The following ARHGAP42 variants were observed in gnomAD, a reference collection of about 807,000 sequenced individuals.
The protein encoded by ARHGAP42 is Rho GTPase activating protein 42.
In ARHGAP42, 63 loss-of-function variants were observed where a neutral mutation model predicts 125.0. That is an observed-to-expected ratio of 0.50 (90% CI 0.41 to 0.62). ARHGAP42 has a LOEUF of 0.62. Ranked by LOEUF, ARHGAP42 falls within the 20% of genes least tolerant of loss-of-function variation. ARHGAP42 has a pLI of 0.00. For synonymous variants in ARHGAP42, 339 were observed against 351.0 expected, an observed-to-expected ratio of 0.97 and a Z score of 0.38; for missense variants, 766 against 1,024.2, an observed-to-expected ratio of 0.75 and a Z score of 3.44.
At chr11:100,830,063 TAGTA>T (rs774794463) in intron 3 of ARHGAP42, among the ~76,000 whole-genome samples, 2 of 152,210 alleles carry the variant, frequency 1.3e-5, no homozygotes, top group Non-Finnish European at 2.9e-5. Context: ...AATAGGATGT[TAGTA>T]AGGGCTCAGA....
intron 3 of ARHGAP42, among the ~76,000 whole-genome samples, chr11:100,831,983 A>T (rs897670462): frequency 6.6e-6 from 1 of 152,176 alleles, no homozygotes; most frequent in African/African-American, 2.4e-5. Flanking sequence ...GTAAATAACG[A>T]ATTTTTGTGG....
At chr11:100,786,427 T>C (rs71476649) in intron 2 of ARHGAP42, among the ~76,000 whole-genome samples, 4,884 of 152,290 alleles carry the variant, frequency 0.032, 138 homozygotes, top group Middle Eastern at 0.058. Context: ...AAATTAAGTT[T>C]TGAAATTGTG....
chr11:100,777,888 A>G (rs1177009295), intron 2 of ARHGAP42, among the ~76,000 whole-genome samples: 3 of 152,232 alleles, frequency 2.0e-5, no homozygotes, highest in African/African-American at 7.2e-5. Flanking sequence ...TTGTGATACA[A>G]AAGGTAGAAC....
intron 3 of ARHGAP42, among the ~76,000 whole-genome samples, chr11:100,842,880 A>G (rs1864974221): frequency 6.6e-6 from 1 of 152,146 alleles, no homozygotes; most frequent in Non-Finnish European, 1.5e-5. Flanking sequence ...AAAGACCACA[A>G]ACAGACAATC....
At chr11:100,810,434 G>A (rs750424516) in intron 3 of ARHGAP42, among the ~76,000 whole-genome samples, 2 of 152,156 alleles carry the variant, frequency 1.3e-5, no homozygotes, top group Admixed American at 6.5e-5. Context: ...TTTGGAAAAT[G>A]TGGCCACCGT....
intron 5 of ARHGAP42, among the ~76,000 whole-genome samples, chr11:100,920,101 A>G (rs1187044816): frequency 3.3e-5 from 5 of 152,328 alleles, no homozygotes; most frequent in Admixed American, 2.0e-4. Flanking sequence ...TTGCACCTCT[A>G]TCTTTCATAA....
chr11:100,857,707 C>T (rs548399761), intron 3 of ARHGAP42, among the ~76,000 whole-genome samples: 10 of 152,084 alleles, frequency 6.6e-5, no homozygotes, highest in Non-Finnish European at 1.0e-4. Context: ...GAGGCCAAAA[C>T]CTTAGTTTTT....
intron 3 of ARHGAP42, among the ~76,000 whole-genome samples, chr11:100,800,779 G>GA (rs979959797): frequency 6.6e-6 from 1 of 152,036 alleles, no homozygotes; most frequent in Non-Finnish European, 1.5e-5. Context: ...GCAATGTAAT[G>GA]AAAAAAACTA....
chr11:100,914,389 TCATA>T (rs1867008209), intron 5 of ARHGAP42, among the ~76,000 whole-genome samples: 2 of 152,154 alleles, frequency 1.3e-5, no homozygotes, highest in Non-Finnish European at 2.9e-5. Context: ...TAACTATAAT[TCATA>T]AAATCAAAGC....
intron 4 of ARHGAP42, among the ~76,000 whole-genome samples, chr11:100,869,198 A>C (rs1231966950): frequency 6.6e-6 from 1 of 152,030 alleles, no homozygotes; most frequent in Non-Finnish European, 1.5e-5. Context: ...AACACTATAC[A>C]ACTTATGGAA....
chr11:100,874,490 G>C (rs566185103), intron 4 of ARHGAP42, among the ~76,000 whole-genome samples: 163 of 152,318 alleles, frequency 1.1e-3, no homozygotes, highest in Non-Finnish European at 2.0e-3. Context: ...GAGAGCAGGT[G>C]TGGACACCTC....
intron 3 of ARHGAP42, among the ~76,000 whole-genome samples, chr11:100,798,621 G>A (rs562655987): frequency 1.5e-4 from 23 of 152,100 alleles, no homozygotes; most frequent in Non-Finnish European, 1.0e-4. Flanking sequence ...ATTTGCACTG[G>A]CATCAAAAAT....
chr11:100,980,920 C>A (rs562465010), intron 22 of ARHGAP42, among the ~76,000 whole-genome samples: 2 of 152,202 alleles, frequency 1.3e-5, no homozygotes, highest in East Asian at 3.9e-4. Context: ...TCTAAATCAA[C>A]TTTTAGTGGG....
intron 1 of ARHGAP42, among the ~76,000 whole-genome samples, chr11:100,717,971 A>G (rs1012667251): frequency 6.6e-6 from 1 of 151,798 alleles, no homozygotes; most frequent in African/African-American, 2.4e-5. Context: ...TATTAAAGGC[A>G]AATGCTGTTT....
At chr11:100,985,920 G>A (rs765811179) in intron 22 of ARHGAP42, among the ~76,000 whole-genome samples, 52 of 152,200 alleles carry the variant, frequency 3.4e-4, no homozygotes, top group Non-Finnish European at 6.6e-4. Context: ...GCTGCTTTGG[G>A]AGAGCTGTGG....
chr11:100,837,926 T>TTTTTATTTTATTTTATTTTATTTTA (rs140607707), intron 3 of ARHGAP42, among the ~76,000 whole-genome samples: 2,522 of 116,800 alleles, frequency 0.022, 158 homozygotes, highest in African/African-American at 0.061. Flanking sequence ...GTCTAACAGG[T>TTTTTATTTTATTTTATTTTATTTTA]TTTTATTTTA....
chr11:100,767,631 A>C (rs1267518058), intron 1 of ARHGAP42, among the ~76,000 whole-genome samples: 1 of 152,144 alleles, frequency 6.6e-6, no homozygotes, highest in Admixed American at 6.6e-5. Flanking sequence ...GTTTGAGGGA[A>C]GTTCAGAAGA....
chr11:100,783,830 C>T (rs554802477), intron 2 of ARHGAP42, among the ~76,000 whole-genome samples: 1 of 152,194 alleles, frequency 6.6e-6, no homozygotes, highest in Non-Finnish European at 1.5e-5. Flanking sequence ...ATTCCCTAAA[C>T]TTCTCTACCA....
intron 3 of ARHGAP42, among the ~76,000 whole-genome samples, chr11:100,811,643 G>A (rs1864145809): frequency 6.6e-6 from 1 of 151,890 alleles, no homozygotes; most frequent in African/African-American, 2.4e-5. Context: ...AGGATTATAG[G>A]AGTGCACCAC....
Sources: allele counts gnomAD v4.1 joint callset (sites outside exome capture counted in the v4.1 genomes callset), GRCh38; gene constraint gnomAD v4.1.1; transcripts MANE v1.5; gene names NCBI Gene and HGNC (gene_info 2026-07-23, HGNC 2026-07-21).